RASGRP1: variants seen among roughly 807,000 people sequenced by gnomAD.
The protein encoded by RASGRP1 is RAS guanyl-releasing protein 1.
In RASGRP1, 37 loss-of-function variants were observed where a neutral mutation model predicts 95.1. The observed-to-expected ratio is 0.39, with a 90% CI of 0.30 to 0.51. RASGRP1 has a LOEUF of 0.51. RASGRP1 is among the 20% of genes least tolerant of loss of function. The pLI is 0.80. For synonymous variants in RASGRP1, 325 were observed against 353.4 expected (o/e 0.92, Z 0.90); for missense variants, 711 against 965.4 (o/e 0.74, Z 3.49).
intron 13 of RASGRP1, 141 bp from the exon 14 acceptor site, chr15:38,500,280 C>T: frequency 1.3e-6 from 1 of 773,332 alleles, no homozygotes; most frequent in Non-Finnish European, 2.2e-6. Flanking sequence ...ATGTCTTGTC[C>T]CTTCTGACCT....
intron 8 of RASGRP1, among the ~76,000 whole-genome samples, chr15:38,509,275 CA>C (rs1805522886): frequency 6.6e-6 from 1 of 152,224 alleles, no homozygotes; most frequent in African/African-American, 2.4e-5. Context: ...CATTATTAAA[CA>C]AAGTGAGAGT....
rs541112923 is a variant in RASGRP1, at chr15:38,500,992, A to C, written c.1683+151T>G. 2.0e-5 allele frequency: 18 copies of C among 920,668 alleles called. No individual in the cohort carries two copies. In the South Asian group the frequency reaches 4.2e-4, roughly 22 times the overall value. The allele number at this position is 920,668 out of a possible 1,614,324, so 57.0% of individuals were successfully genotyped here. On this transcript the variant is annotated intron_variant, in intron 13 of 16. Transcript: ENST00000310803. Reference sequence around the variant, plus strand: ...AGCGAGAGATGATGAGTGCAGGTAAAAACCACACGCTTGAGCTCTAGGTTA... The same window carrying C: ...AGCGAGAGATGATGAGTGCAGGTAACAACCACACGCTTGAGCTCTAGGTTA...
At chr15:38,497,988 C>T (rs550563856) in intron 15 of RASGRP1, among the ~76,000 whole-genome samples, 1 of 152,248 alleles carries the variant, frequency 6.6e-6, no homozygotes, top group African/African-American at 2.4e-5. Context: ...CTACCTGGCC[C>T]CTCAGGGTTC....
chr15:38,550,246 A>AC (rs1165502735), intron 2 of RASGRP1, among the ~76,000 whole-genome samples: 1 of 149,572 alleles, frequency 6.7e-6, no homozygotes, highest in Non-Finnish European at 1.5e-5. Context: ...TGTCGCCAAA[A>AC]AAAAAAAAAA....
chr15:38,520,160 C>T (rs1017681694), intron 3 of RASGRP1, among the ~76,000 whole-genome samples: 1 of 152,156 alleles, frequency 6.6e-6, no homozygotes, highest in African/African-American at 2.4e-5. Context: ...CCGAATAGGT[C>T]CTGCCATTTC....
chr15:38,554,757 A>C (rs548291761), intron 2 of RASGRP1, among the ~76,000 whole-genome samples: 1 of 152,318 alleles, frequency 6.6e-6, no homozygotes, highest in African/African-American at 2.4e-5. Context: ...TGCTCTGATG[A>C]CTAGAAGCCT....
intron 5 of RASGRP1, 109 bp from the exon 6 acceptor site, chr15:38,516,459 A>G (rs1485611765): frequency 2.9e-6 from 4 of 1,359,040 alleles, no homozygotes; most frequent in African/African-American, 2.9e-5. Context: ...ACCATTAGCT[A>G]ACTTTCCTTG....
At position 38,490,339 on chromosome 15, in the gene RASGRP1, T is replaced by C. The variant is rs907272071; in HGVS notation, c.*215A>G. On this transcript the variant is annotated 3_prime_UTR_variant, in exon 17 of 17. Transcript: ENST00000310803. The stretch of plus-strand genomic sequence containing the variant: ...TCAGTGGTATGAATAGCAAAAGTTT[T>C]GCATTCTTTAGTTTTCCCCCTTTGA... The C allele has an allele frequency of 1.0e-5, 4 of 399,850 alleles. No individual in the cohort carries two copies. Among genetic ancestry groups the C allele is most frequent in the Non-Finnish European group, 1.7e-5 (4 of 233,238 alleles). The allele number at this position is 399,850 out of a possible 1,614,324, so 24.8% of individuals were successfully genotyped here. A position where few individuals can be genotyped will look rare whatever the true frequency, so the allele number is the denominator to read the frequency against.
intron 15 of RASGRP1, 103 bp from the exon 16 acceptor site, chr15:38,494,870 TC>T: frequency 9.3e-7 from 1 of 1,078,680 alleles, no homozygotes; most frequent in Non-Finnish European, 1.2e-6. Context: ...TTACTGGAGT[TC>T]CATATGTTCA....
At chr15:38,544,263 C>A (rs1439744459) in intron 2 of RASGRP1, among the ~76,000 whole-genome samples, 1 of 152,156 alleles carries the variant, frequency 6.6e-6, no homozygotes, top group Non-Finnish European at 1.5e-5. Context: ...CCCCCAGGAA[C>A]TATTAGGGGT....
intron 3 of RASGRP1, among the ~76,000 whole-genome samples, chr15:38,523,563 A>G (rs1034675900): frequency 1.3e-5 from 2 of 152,192 alleles, no homozygotes; most frequent in Non-Finnish European, 2.9e-5. Context: ...TAGCCTAAGT[A>G]TATAGTGTTT....
At chr15:38,564,303 G>A (rs1255598938) in intron 1 of RASGRP1, among the ~76,000 whole-genome samples, 2 of 152,156 alleles carry the variant, frequency 1.3e-5, no homozygotes, top group East Asian at 1.9e-4. Flanking sequence ...GTCGGCGGGC[G>A]GGCGCCGGCT....
Position 38,519,337 on chromosome 15 carries a change from G to A in RASGRP1, c.361C>T (p.Leu121Phe). Residue 121 changes from leucine (L) to phenylalanine (F), a missense_variant, in exon 4 of 17, where the codon CTT becomes TTT. Physicochemically the swap from Leu to Phe is conservative, Grantham distance 22 (BLOSUM62 0). Transcript: ENST00000310803. ...ACAAAATAACAGATCTTCAGGCAAA[G>A]TCCTGGTGAATTCTTTGCCAAAGCA... is the stretch of plus-strand genomic sequence containing the variant. ...KDALAKNSPG[L>F]CLKICYFVRY... 2.0e-6 allele frequency: 3 copies of A among 1,531,082 alleles called. No individual in the cohort carries two copies. Among genetic ancestry groups the A allele is most frequent in the Non-Finnish European group, 2.7e-6 (3 of 1,105,026 alleles). 94.8% of individuals were successfully genotyped at this position (1,531,082 alleles called of 1,614,324 possible). A position where few individuals can be genotyped will look rare whatever the true frequency, so the allele number is the denominator to read the frequency against.
chr15:38,490,719 T>C (rs765014162), intron 16 of RASGRP1, 31 bp from the exon 17 acceptor site: 9 of 1,585,666 alleles, frequency 5.7e-6, no homozygotes, highest in Non-Finnish European at 7.7e-6. Context: ...GGTATGTTAA[T>C]AAAGCAGCAA....
intron 15 of RASGRP1, among the ~76,000 whole-genome samples, chr15:38,497,996 T>C (rs1890860023): frequency 6.6e-6 from 1 of 152,176 alleles, no homozygotes; most frequent in Non-Finnish European, 1.5e-5. Context: ...CCCCTCAGGG[T>C]TCCTCAGACT....
intron 13 of RASGRP1, 47 bp from the exon 14 acceptor site, chr15:38,500,186 G>A: frequency 3.8e-6 from 6 of 1,593,096 alleles, no homozygotes; most frequent in Non-Finnish European, 5.2e-6. Flanking sequence ...CATCCATCTG[G>A]TGTGAGGCTA....
chr15:38,516,055 C>T, intron 6 of RASGRP1, 142 bp downstream of exon 6: 1 of 960,800 alleles, frequency 1.0e-6, no homozygotes, highest in Non-Finnish European at 1.5e-6. Flanking sequence ...CTGATTTTTT[C>T]AGACTCTATG....
At chr15:38,526,716 TA>T (rs1892238413) in intron 2 of RASGRP1, among the ~76,000 whole-genome samples, 1 of 152,156 alleles carries the variant, frequency 6.6e-6, no homozygotes, top group Non-Finnish European at 1.5e-5. Context: ...TTGTGGGGCC[TA>T]AAGTTCATAT....
rs563279732 is a variant in RASGRP1 at position 38,542,931 on chromosome 15, G to GTA, written c.221-16528_221-16527insTA. ...CACATATATATGTGTGTATATATAT[G>GTA]TGTGTGTATATATATATATACACAC... On this transcript the variant is annotated intron_variant, in intron 2 of 16. Transcript: ENST00000310803. 9.7e-4 allele frequency among the ~76,000 whole-genome samples: 111 copies of GTA among 114,330 alleles called. No individual in the cohort carries two copies. In the Middle Eastern group the frequency reaches 0.013, roughly 14 times the overall value. 75.0% of individuals were successfully genotyped at this position (114,330 alleles called of 152,430 possible).
Sources: gnomAD v4.1 joint callset for allele counts (sites outside exome capture counted in the v4.1 genomes callset) on GRCh38, gnomAD v4.1.1 for gene constraint, MANE v1.5 for transcripts, NCBI Gene and HGNC (gene_info 2026-07-23, HGNC 2026-07-21) for gene names.